SLC4A4: variants seen among roughly 807,000 people sequenced by gnomAD.
SLC4A4 encodes the protein solute carrier family 4 member 4.
In SLC4A4, 27 loss-of-function variants were observed where a neutral mutation model predicts 111.5. The ratio of observed to expected loss-of-function variants is 0.24; its 90% confidence interval spans 0.18 to 0.33. The LOEUF (loss-of-function observed/expected upper bound fraction) is 0.33. SLC4A4 is among the 10% of genes least tolerant of loss of function. SLC4A4 has a pLI of 1.00. For missense variants in SLC4A4, 909 were observed against 1,315.5 expected (o/e 0.69, Z 4.78); for synonymous variants, 443 against 463.4 (o/e 0.96, Z 0.57).
intron 16 of SLC4A4, among the ~76,000 whole-genome samples, chr4:71,515,284 G>A (rs566865254): frequency 9.5e-4 from 144 of 151,968 alleles, no homozygotes; most frequent in South Asian, 8.3e-4. Context: ...ATAAATTTCC[G>A]AAGTTTATAT....
chr4:71,502,863 C>T (rs2149160899), intron 16 of SLC4A4, among the ~76,000 whole-genome samples: 1 of 152,246 alleles, frequency 6.6e-6, no homozygotes, highest in South Asian at 2.1e-4. Flanking sequence ...TATGGTGCAA[C>T]TGAAGTCCAA....
chr4:71,221,522 A>G (rs1369931647), intron 1 of SLC4A4, among the ~76,000 whole-genome samples: 1 of 152,068 alleles, frequency 6.6e-6, no homozygotes, highest in Non-Finnish European at 1.5e-5. Flanking sequence ...TTCCTTTTTT[A>G]TTTAAGGTAT....
intron 3 of SLC4A4, among the ~76,000 whole-genome samples, chr4:71,287,573 A>G (rs1030740639): frequency 6.6e-6 from 1 of 152,228 alleles, no homozygotes; most frequent in Non-Finnish European, 1.5e-5. Flanking sequence ...ACTTCAATGT[A>G]CAGTATGGCC....
At chr4:71,400,618 A>G (rs1176215989) in intron 7 of SLC4A4, among the ~76,000 whole-genome samples, 2 of 152,300 alleles carry the variant, frequency 1.3e-5, no homozygotes, top group East Asian at 1.9e-4. Context: ...CTCTCTTCCT[A>G]CCAGAGTTTG....
chr4:71,427,797 A>G (rs1327290538), intron 7 of SLC4A4, among the ~76,000 whole-genome samples: 2 of 152,182 alleles, frequency 1.3e-5, no homozygotes, highest in Non-Finnish European at 2.9e-5. Flanking sequence ...GCATAGGCTT[A>G]CAACCATCCA....
intron 16 of SLC4A4, among the ~76,000 whole-genome samples, chr4:71,500,657 G>C (rs1318491646): frequency 1.3e-5 from 2 of 152,144 alleles, no homozygotes; most frequent in Non-Finnish European, 2.9e-5. Flanking sequence ...TATGGTATGA[G>C]ATGAGGGTCT....
intron 3 of SLC4A4, among the ~76,000 whole-genome samples, chr4:71,306,558 G>A (rs1725702381): frequency 6.6e-6 from 1 of 151,958 alleles, no homozygotes; most frequent in South Asian, 2.1e-4. Flanking sequence ...ACTCCAGTTT[G>A]GCAACAGAGT....
At chr4:71,490,693 T>C (rs1729819403) in intron 15 of SLC4A4, among the ~76,000 whole-genome samples, 1 of 151,822 alleles carries the variant, frequency 6.6e-6, no homozygotes, top group African/African-American at 2.4e-5. Flanking sequence ...TTAGCTTTCC[T>C]GTCCAACCCC....
chr4:71,250,115 C>T (rs190322570), intron 2 of SLC4A4, among the ~76,000 whole-genome samples: 6 of 149,110 alleles, frequency 4.0e-5, no homozygotes, highest in Non-Finnish European at 5.9e-5. Flanking sequence ...CCAGGGTCTC[C>T]GCCTCTTCTA....
At chr4:71,432,759 G>T (rs1382562060) in intron 7 of SLC4A4, among the ~76,000 whole-genome samples, 2 of 152,078 alleles carry the variant, frequency 1.3e-5, no homozygotes, top group East Asian at 1.9e-4. Context: ...CCTACAGAGG[G>T]TGATGGAGCT....
chr4:71,325,598 C>T (rs1280559748), intron 3 of SLC4A4, among the ~76,000 whole-genome samples: 1 of 151,872 alleles, frequency 6.6e-6, no homozygotes, highest in African/African-American at 2.4e-5. Flanking sequence ...CCATTTTAGC[C>T]TCTCAGCATA....
chr4:71,094,593 T>G (rs1742487760), intron 2 of SLC4A4, among the ~76,000 whole-genome samples: 1 of 152,224 alleles, frequency 6.6e-6, no homozygotes, highest in South Asian at 2.1e-4. Flanking sequence ...TGTAAGGATA[T>G]GTAGTTAGGG....
intron 4 of SLC4A4, among the ~76,000 whole-genome samples, chr4:71,344,514 A>G (rs544395546): frequency 7.9e-5 from 12 of 152,148 alleles, no homozygotes; most frequent in Non-Finnish European, 1.6e-4. Flanking sequence ...TGAAGATGTG[A>G]CATGAATCTT....
intron 2 of SLC4A4, among the ~76,000 whole-genome samples, chr4:71,141,740 C>A (rs189687888): frequency 4.6e-5 from 7 of 152,192 alleles, no homozygotes; most frequent in Admixed American, 6.5e-5. Flanking sequence ...ACACTTAGAA[C>A]AGTGCCTGGA....
intron 4 of SLC4A4, among the ~76,000 whole-genome samples, chr4:71,346,486 G>A (rs575651537): frequency 6.7e-6 from 1 of 149,812 alleles, no homozygotes; most frequent in East Asian, 2.0e-4. Flanking sequence ...TTATGAAGGG[G>A]AGATAGTGGC....
intron 18 of SLC4A4, among the ~76,000 whole-genome samples, chr4:71,537,374 A>ATATATTATACATATATGTG (rs1560599548): frequency 7.2e-6 from 1 of 138,930 alleles, no homozygotes; most frequent in African/African-American, 2.6e-5. Context: ...ATATGTGTGT[A>ATATATTATACATATATGTG]TATATACATA....
chr4:71,153,033 G>GTGTATATATATATATA (rs386400441), intron 2 of SLC4A4, among the ~76,000 whole-genome samples: 3 of 132,720 alleles, frequency 2.3e-5, no homozygotes, highest in South Asian at 2.4e-4. Flanking sequence ...ATATGTGTGT[G>GTGTATATATATATATA]TATATATATA....
chr4:71,481,340 T>C (rs916429132), intron 14 of SLC4A4, among the ~76,000 whole-genome samples: 17 of 151,690 alleles, frequency 1.1e-4, no homozygotes, highest in Non-Finnish European at 5.9e-5. Flanking sequence ...CTGTTCCTGA[T>C]GGTACAGTTC....
chr4:71,422,451 A>T (rs965516532), intron 7 of SLC4A4, among the ~76,000 whole-genome samples: 1 of 151,580 alleles, frequency 6.6e-6, no homozygotes, highest in Non-Finnish European at 1.5e-5. Context: ...TATTCCAATC[A>T]ATAGAAAAAG....
Sources: allele counts gnomAD v4.1 joint callset (sites outside exome capture counted in the v4.1 genomes callset), GRCh38; gene constraint gnomAD v4.1.1; transcripts MANE v1.5; gene names NCBI Gene and HGNC (gene_info 2026-07-23, HGNC 2026-07-21).